The following ZNF385B variants were observed in gnomAD, a reference collection of about 807,000 sequenced individuals.
The protein encoded by ZNF385B is zinc finger protein 533.
ZNF385B carries 23 observed loss-of-function variants against 39.2 expected under a neutral mutation model. The observed-to-expected ratio is 0.59, with a 90% CI of 0.42 to 0.83. The LOEUF (loss-of-function observed/expected upper bound fraction) is 0.83, where lower values mean the gene tolerates loss of function less well. ZNF385B is among the 40% of genes least tolerant of loss of function. The pLI is 0.00. For synonymous variants in ZNF385B, 205 were observed against 222.6 expected (o/e 0.92, Z 0.70); for missense variants, 552 against 598.9 (o/e 0.92, Z 0.82).
At chr2:179,689,637 A>G (rs944747245) in intron 3 of ZNF385B, among the ~76,000 whole-genome samples, 4 of 152,118 alleles carry the variant, frequency 2.6e-5, no homozygotes, top group Middle Eastern at 3.2e-3. Flanking sequence ...TCTAGATCGA[A>G]TATTCCCCAT....
intron 3 of ZNF385B, among the ~76,000 whole-genome samples, chr2:179,757,274 A>T (rs1438112548): frequency 6.6e-6 from 1 of 152,244 alleles, no homozygotes; most frequent in Non-Finnish European, 1.5e-5. Flanking sequence ...GCTGCAGAAC[A>T]GTGAATACTG....
intron 3 of ZNF385B, among the ~76,000 whole-genome samples, chr2:179,627,247 A>G (rs1246817219): frequency 6.6e-6 from 1 of 152,198 alleles, no homozygotes; most frequent in African/African-American, 2.4e-5. Context: ...AAAGATGATC[A>G]GCTTCATTCC....
At chr2:179,792,639 T>C (rs995823660) in intron 1 of ZNF385B, among the ~76,000 whole-genome samples, 6 of 122,848 alleles carry the variant, frequency 4.9e-5, no homozygotes, top group African/African-American at 1.5e-4. Flanking sequence ...CCTCCCAAAG[T>C]GCTGGGATTA....
chr2:179,725,809 G>A (rs1457212131), intron 3 of ZNF385B, among the ~76,000 whole-genome samples: 2 of 149,836 alleles, frequency 1.3e-5, no homozygotes, highest in African/African-American at 2.4e-5. Context: ...TTAAATATAT[G>A]AACCTATATA....
At chr2:179,709,428 C>A (rs897704550) in intron 3 of ZNF385B, among the ~76,000 whole-genome samples, 3 of 152,170 alleles carry the variant, frequency 2.0e-5, no homozygotes, top group African/African-American at 7.2e-5. Flanking sequence ...TAGTAGGGCA[C>A]CCCCTTTGGG....
At chr2:179,696,056 T>C (rs1048768305) in intron 3 of ZNF385B, among the ~76,000 whole-genome samples, 1 of 152,168 alleles carries the variant, frequency 6.6e-6, no homozygotes, top group Non-Finnish European at 1.5e-5. Flanking sequence ...AAGTCCAGAA[T>C]AGGAAAATCT....
At chr2:179,663,613 G>C (rs1451100321) in intron 3 of ZNF385B, among the ~76,000 whole-genome samples, 1 of 150,728 alleles carries the variant, frequency 6.6e-6, no homozygotes, top group African/African-American at 2.4e-5. Context: ...GGGAGGCTGA[G>C]GTAGGAGAAT....
intron 3 of ZNF385B, among the ~76,000 whole-genome samples, chr2:179,715,756 A>T (rs1000771300): frequency 1.3e-5 from 2 of 152,160 alleles, no homozygotes; most frequent in Non-Finnish European, 2.9e-5. Flanking sequence ...AATAAATATT[A>T]AACTATTAAA....
intron 3 of ZNF385B, among the ~76,000 whole-genome samples, chr2:179,600,809 T>C (rs1688350643): frequency 6.6e-6 from 1 of 152,174 alleles, no homozygotes; most frequent in Non-Finnish European, 1.5e-5. Context: ...TTACTTTTCT[T>C]CCTCCATTAC....
At chr2:179,778,337 C>G (rs1704465538) in intron 1 of ZNF385B, among the ~76,000 whole-genome samples, 1 of 152,104 alleles carries the variant, frequency 6.6e-6, no homozygotes, top group African/African-American at 2.4e-5. Context: ...TCTGTTCCTC[C>G]CACTACGACT....
In ZNF385B at chr2:179,758,944, C is replaced by A. The variant is rs1703206637; in HGVS notation, c.298+10559G>T. Among the ~76,000 whole-genome samples, 3 of 152,206 alleles carry A rather than the reference C, an allele frequency of 2.0e-5. No homozygotes were observed. The South Asian group carries it at 6.2e-4, about 32-fold the overall frequency. On this transcript the variant is annotated intron_variant, in intron 3 of 9. Coordinates refer to ENST00000410066, the MANE Select transcript of ZNF385B (RefSeq NM_152520.6). ...AATTTTTTCTGAAAGCTTCTGCCGA[C>A]CTTTCCAAACTTCTCTTGTGTTTCC...
At chr2:179,782,165 T>A (rs1184448197) in intron 1 of ZNF385B, among the ~76,000 whole-genome samples, 1 of 152,146 alleles carries the variant, frequency 6.6e-6, no homozygotes, top group African/African-American at 2.4e-5. Context: ...CCCTGGGATG[T>A]AAGGTTGGTT....
At chr2:179,828,616 A>G (rs165381) in intron 1 of ZNF385B, among the ~76,000 whole-genome samples, 72,170 of 152,024 alleles carry the variant, frequency 0.47, 17,984 homozygotes, top group African/African-American at 0.6. Context: ...CAAGACAATC[A>G]AAAAGGGAAG....
At chr2:179,646,431 T>C (rs35667895) in intron 3 of ZNF385B, among the ~76,000 whole-genome samples, 52,073 of 151,990 alleles carry the variant, frequency 0.34, 9,184 homozygotes, top group East Asian at 0.56. Context: ...AACAAACAAA[T>C]AAGCAAAAAA....
intron 1 of ZNF385B, among the ~76,000 whole-genome samples, chr2:179,848,921 G>A (rs2106625822): frequency 6.6e-6 from 1 of 152,280 alleles, no homozygotes; most frequent in Non-Finnish European, 1.5e-5. Context: ...CCAAATAATA[G>A]CAGCTATCGT....
At chr2:179,660,761 A>T (rs1227105945) in intron 3 of ZNF385B, among the ~76,000 whole-genome samples, 1 of 152,196 alleles carries the variant, frequency 6.6e-6, no homozygotes, top group Non-Finnish European at 1.5e-5. Flanking sequence ...CATGTGTATT[A>T]ACAATTTTTA....
rs371808995 is a variant in ZNF385B at position 179,768,348 on chromosome 2, T to C, written c.298+1155A>G. On this transcript the variant is annotated intron_variant, in intron 3 of 9. Transcript: ENST00000410066. ...AAATGGAAAAATAATTTTTCTACTA[T>C]TATAAGTGTGTACCTTAAATGCTGT... is the stretch of plus-strand genomic sequence containing the variant. 5.9e-5 allele frequency among the ~76,000 whole-genome samples: 9 copies of C among 152,204 alleles called. No individual in the cohort carries two copies. The East Asian group carries it at 9.6e-4, about 16-fold the overall frequency.
intron 1 of ZNF385B, among the ~76,000 whole-genome samples, chr2:179,846,969 G>C (rs1220562050): frequency 6.6e-6 from 1 of 152,178 alleles, no homozygotes; most frequent in African/African-American, 2.4e-5. Flanking sequence ...AAGAAATAAA[G>C]GCTCTTACCA....
chr2:179,696,176 T>C (rs62175185), intron 3 of ZNF385B, among the ~76,000 whole-genome samples: 64,767 of 151,846 alleles, frequency 0.43, 15,067 homozygotes, highest in South Asian at 0.57. Flanking sequence ...TTTGAGGTTA[T>C]GAAAATATTG....
Sources: allele counts gnomAD v4.1 joint callset (sites outside exome capture counted in the v4.1 genomes callset), GRCh38; gene constraint gnomAD v4.1.1; transcripts MANE v1.5; gene names NCBI Gene and HGNC (gene_info 2026-07-23, HGNC 2026-07-21).